PDE9A: variants seen among roughly 807,000 people sequenced by gnomAD.
PDE9A encodes the protein high affinity cGMP-specific 3',5'-cyclic phosphodiesterase 9A.
Under a neutral mutation model 87.4 loss-of-function variants are expected in PDE9A, and 60 were observed. The observed-to-expected ratio is 0.69, with a 90% confidence interval of 0.56 to 0.85. The LOEUF (loss-of-function observed/expected upper bound fraction) is 0.85, where lower values mean the gene tolerates loss of function less well. PDE9A is among the 40% of genes least tolerant of loss of function. The pLI, the probability that PDE9A is intolerant of heterozygous loss-of-function variation, is 0.00. For synonymous variants in PDE9A, 272 were observed against 279.4 expected (o/e 0.97, Z 0.27); for missense variants, 665 against 779.0 (o/e 0.85, Z 1.74).
chr21:42,696,870 G>A lies in PDE9A; in HGVS notation c.219-2098G>A, dbSNP rs951735035. Among the ~76,000 whole-genome samples, 2 of 152,128 alleles carry A rather than the reference G, an allele frequency of 1.3e-5. No individual in the cohort carries two copies. Among genetic ancestry groups the A allele is most frequent in the African/African-American group, 2.4e-5 (1 of 41,436 alleles). On this transcript the variant is annotated intron_variant, in intron 3 of 19. Transcript: ENST00000291539. This position sits in a 1 kb window ranked among gnomAD's most constrained non-coding sequence, Gnocchi z 5.1. ...CTAGAGGGGCCCTAGTCCCGATGAC[G>A]ACCGAGTGCCCTCTCCACCTGGGGA...
rs200007433 is a variant in PDE9A at position 42,653,786 on chromosome 21, A to G, written c.-29A>G. ...GGCTGGCGTCGGGAAAGTACAGTAAAAAGTCCGAGTGCAGCCGCCGGGCGC... is the reference window on the plus strand; with the variant it reads ...GGCTGGCGTCGGGAAAGTACAGTAAGAAGTCCGAGTGCAGCCGCCGGGCGC... On this transcript the variant is annotated 5_prime_UTR_variant, in exon 1 of 20. Transcript: ENST00000291539. The G allele has an allele frequency of 6.7e-7, 1 of 1,500,204 alleles. No homozygotes were observed. Among genetic ancestry groups the G allele is most frequent in the Admixed American group, 2.1e-5 (1 of 48,346 alleles). 92.9% of individuals were successfully genotyped at this position (1,500,204 alleles called of 1,614,324 possible).
rs1314521566 is a variant in PDE9A at position 42,765,415 on chromosome 21, C to G, written c.1277C>G (p.Ala426Gly). The change falls in exon 15 of 20, where the codon GCA becomes GGA. Residue 426 changes from alanine (A) to glycine (G), a missense_variant. Coordinates refer to ENST00000291539, the MANE Select transcript of PDE9A (RefSeq NM_002606.3). Reference sequence around the variant, plus strand: ...ACATTAATCTTGGCCACTGACATGGCAAGACATGCAGAAATTATGGATTCT... The same window carrying G: ...ACATTAATCTTGGCCACTGACATGGGAAGACATGCAGAAATTATGGATTCT... ...MITLILATDMARHAEIMDSFK... is the reference protein window; with the variant it reads ...MITLILATDMGRHAEIMDSFK... 6.2e-7 allele frequency: 1 copy of G among 1,611,468 alleles called. No homozygotes were observed. The highest frequency in any genetic ancestry group is 1.7e-5 in the Admixed American group (1 of 59,996).
intron 4 of PDE9A, among the ~76,000 whole-genome samples, chr21:42,701,601 G>A (rs1225732621): frequency 1.3e-5 from 2 of 151,448 alleles, no homozygotes; most frequent in South Asian, 2.1e-4. Context: ...CATGCCCGGC[G>A]AATTTTTTAA....
intron 3 of PDE9A, among the ~76,000 whole-genome samples, chr21:42,689,029 G>A (rs772073684): frequency 1.1e-4 from 17 of 151,268 alleles, no homozygotes; most frequent in East Asian, 7.8e-4. Context: ...GGCCAGTGCC[G>A]TCCTCAGCGA....
At chr21:42,689,603 GA>G in intron 3 of PDE9A, 3 of 985,464 alleles carry the variant, frequency 3.0e-6, no homozygotes, top group Non-Finnish European at 3.6e-6. Context: ...GAAGTCATTT[GA>G]AACAGCGTGC....
chr21:42,699,283 T>C (rs2060311497), intron 4 of PDE9A, among the ~76,000 whole-genome samples: 2 of 152,158 alleles, frequency 1.3e-5, no homozygotes, highest in Admixed American at 1.3e-4. Flanking sequence ...TAGCCTCCCT[T>C]GTGTGGATTT....
intron 4 of PDE9A, among the ~76,000 whole-genome samples, chr21:42,703,759 C>T (rs938941966): frequency 1.3e-5 from 2 of 152,208 alleles, no homozygotes; most frequent in South Asian, 2.1e-4. Context: ...GCTGAGAGAT[C>T]GTTGCCCTCT....
chr21:42,773,411 G>A (rs903480256), intron 19 of PDE9A, among the ~76,000 whole-genome samples: 17 of 152,112 alleles, frequency 1.1e-4, no homozygotes, highest in Non-Finnish European at 1.5e-4. Flanking sequence ...CACAAATCAC[G>A]TGTTTGCTTT....
rs369993564 is a variant in PDE9A, at chr21:42,731,869, G to A, written c.362G>A (p.Gly121Glu). 6.2e-7 allele frequency: 1 copy of A among 1,614,200 alleles called. No homozygotes were observed. The highest frequency in any genetic ancestry group is 8.5e-7 in the Non-Finnish European group (1 of 1,180,032). Residue 121 changes from glycine (G) to glutamate (E), a missense_variant, in exon 5 of 20, where the codon GGA becomes GAA. Physicochemically the swap from Gly to Glu is moderately conservative, Grantham distance 98. Coordinates refer to ENST00000291539, the MANE Select transcript of PDE9A (RefSeq NM_002606.3). ...VVGLEQPRRE[G>E]AFESGQVEPR... Reference sequence around the variant, plus strand: ...GGCCTGGAGCAGCCCCGGAGGGAAGGAGCATTTGAAAGTGGACAGGTAGAG... The same window carrying A: ...GGCCTGGAGCAGCCCCGGAGGGAAGAAGCATTTGAAAGTGGACAGGTAGAG...
intron 1 of PDE9A, among the ~76,000 whole-genome samples, chr21:42,665,930 A>G (rs2057940711): frequency 6.6e-6 from 1 of 152,236 alleles, no homozygotes; most frequent in Non-Finnish European, 1.5e-5. Context: ...CCTCTGCGCC[A>G]TGAGGCCCCG....
In PDE9A at chr21:42,689,047, G is replaced by A. The variant is rs370600955; in HGVS notation, c.218+1053G>A. On this transcript the variant is annotated intron_variant, in intron 3 of 19. Transcript: ENST00000291539. ...CAGTGCCGTCCTCAGCGAGGTCCCC[G>A]TGGGTGTGGCCAGCGCCATCCCCCT... Among the ~76,000 whole-genome samples, 24 of 151,390 alleles carry A rather than the reference G, an allele frequency of 1.6e-4. No homozygotes were observed. In the South Asian group the frequency reaches 2.3e-3, roughly 15 times the overall value.
At chr21:42,767,302 C>T (rs1180058958) in intron 15 of PDE9A, among the ~76,000 whole-genome samples, 1 of 152,118 alleles carries the variant, frequency 6.6e-6, no homozygotes, top group Non-Finnish European at 1.5e-5. Context: ...GACACTGCTG[C>T]CCTGGCCCTG....
intron 1 of PDE9A, among the ~76,000 whole-genome samples, chr21:42,670,452 TCACA>T (rs370500853): frequency 5.3e-5 from 8 of 150,578 alleles, no homozygotes; most frequent in Admixed American, 2.0e-4. Context: ...TTATACACAG[TCACA>T]CAGACTTGCA....
intron 4 of PDE9A, among the ~76,000 whole-genome samples, chr21:42,720,496 A>C (rs2050394065): frequency 6.6e-6 from 1 of 152,038 alleles, no homozygotes; most frequent in Admixed American, 6.6e-5. Context: ...CTCCATCTCA[A>C]TAAATAAATA....
At chr21:42,728,055 C>T (rs868392893) in intron 4 of PDE9A, among the ~76,000 whole-genome samples, 9 of 152,038 alleles carry the variant, frequency 5.9e-5, no homozygotes, top group South Asian at 2.1e-4. Flanking sequence ...TCCAACCAAC[C>T]GCTGATCAGA....
intron 1 of PDE9A, among the ~76,000 whole-genome samples, chr21:42,670,120 T>C (rs925332593): frequency 2.6e-5 from 4 of 151,534 alleles, no homozygotes; most frequent in Non-Finnish European, 5.9e-5. Context: ...CTTACACACA[T>C]TCACAGGCTC....
intron 4 of PDE9A, among the ~76,000 whole-genome samples, chr21:42,725,851 C>G (rs1258504961): frequency 6.6e-6 from 1 of 152,216 alleles, no homozygotes; most frequent in Non-Finnish European, 1.5e-5. Flanking sequence ...TACATCATCT[C>G]TCTGCCCTGG....
intron 3 of PDE9A, among the ~76,000 whole-genome samples, chr21:42,698,480 C>A (rs1376283420): frequency 1.3e-5 from 2 of 152,122 alleles, no homozygotes; most frequent in East Asian, 3.9e-4. Flanking sequence ...CCCCATCACG[C>A]TGGGCCTCGT....
chr21:42,671,602 T>A (rs897427335), intron 1 of PDE9A, among the ~76,000 whole-genome samples: 3 of 152,218 alleles, frequency 2.0e-5, no homozygotes, highest in Non-Finnish European at 4.4e-5. Context: ...AGAGGTAAAT[T>A]GCAGATGAAT....
Sources: gnomAD v4.1 joint callset for allele counts (sites outside exome capture counted in the v4.1 genomes callset) on GRCh38, gnomAD v4.1.1 for gene constraint, Gnocchi (gnomAD v3.1) non-coding constraint, MANE v1.5 for transcripts, NCBI Gene and HGNC (gene_info 2026-07-23, HGNC 2026-07-21) for gene names.